The following RGS6 variants were observed in gnomAD, a reference collection of about 807,000 sequenced individuals.
The protein encoded by RGS6 is regulator of G protein signaling 6.
In RGS6, 30 loss-of-function variants were observed where a neutral mutation model predicts 78.5. The observed-to-expected ratio is 0.38, with a 90% CI of 0.29 to 0.52. The LOEUF is 0.52. Ranked by LOEUF, RGS6 falls within the 20% of genes least tolerant of loss-of-function variation. RGS6 has a pLI of 0.85. For missense variants in RGS6, 495 were observed against 609.7 expected, an observed-to-expected ratio of 0.81 and a Z score of 1.98; for synonymous variants, 206 against 206.0, an observed-to-expected ratio of 1.00 and a Z score of 0.00.
At chr14:72,313,597 C>G (rs906644540) in intron 2 of RGS6, among the ~76,000 whole-genome samples, 2 of 152,202 alleles carry the variant, frequency 1.3e-5, no homozygotes, top group Admixed American at 6.5e-5. Context: ...CCCCTGAAAT[C>G]AGGGAGCCAA....
Position 72,562,478 on chromosome 14 carries a change from C to A in RGS6, c.*11C>A. The A allele has an allele frequency of 6.2e-7, 1 of 1,611,926 alleles. No individual in the cohort carries two copies. The highest frequency in any genetic ancestry group is 8.5e-7 in the Non-Finnish European group (1 of 1,180,014). On this transcript the variant is annotated 3_prime_UTR_variant, in exon 18 of 18. Transcript: ENST00000553525. ...ATGCAGTCCTCCTGACCGTTCCTAC[C>A]GCAGGTCCAGGGCCTGGGCCCGCGG... is the stretch of plus-strand genomic sequence containing the variant.
intron 2 of RGS6, among the ~76,000 whole-genome samples, chr14:72,335,648 G>A (rs923914084): frequency 2.0e-5 from 3 of 152,048 alleles, no homozygotes; most frequent in East Asian, 1.9e-4. Context: ...CAGGAGTGTC[G>A]AATCTTTTGT....
intron 2 of RGS6, among the ~76,000 whole-genome samples, chr14:72,085,783 G>C (rs990733540): frequency 2.0e-5 from 3 of 150,742 alleles, no homozygotes; most frequent in African/African-American, 7.3e-5. Context: ...GAACCCAGGA[G>C]GCGGAGGCTG....
At chr14:72,519,591 A>G (rs1238502389) in intron 15 of RGS6, among the ~76,000 whole-genome samples, 1 of 152,188 alleles carries the variant, frequency 6.6e-6, no homozygotes, top group Non-Finnish European at 1.5e-5. Context: ...CCTCAACACC[A>G]TAACTATCTA....
chr14:71,868,897 G>A, the RGS6 span, among the ~76,000 whole-genome samples: 2 of 152,314 alleles, frequency 1.3e-5, no homozygotes, highest in Non-Finnish European at 2.9e-5. Context: ...GGAAGTTCAT[G>A]CCCTGTGAGT....
chr14:72,493,126 G>T (rs995236153), intron 12 of RGS6, among the ~76,000 whole-genome samples: 1 of 152,132 alleles, frequency 6.6e-6, no homozygotes, highest in Non-Finnish European at 1.5e-5. Flanking sequence ...CCGCCAAGCA[G>T]GTTTCAGTAC....
intron 2 of RGS6, among the ~76,000 whole-genome samples, chr14:72,296,825 G>T (rs932550715): frequency 6.6e-6 from 1 of 152,068 alleles, no homozygotes; most frequent in South Asian, 2.1e-4. Flanking sequence ...TGGTTATTGC[G>T]TTCTGTGTTT....
In RGS6 at chr14:72,510,178, A is replaced by G; in HGVS notation, c.990A>G (p.Val330=). 5 of 1,611,694 alleles carry G rather than the reference A, an allele frequency of 3.1e-6. No homozygotes were observed. Among genetic ancestry groups the G allele is most frequent in the South Asian group, 2.2e-5 (2 of 90,410 alleles). ...GCAAAGAGCCCAGCCAACAGCGAGT[A>G]AAAAGATGGGGCTTCTCTTTCGATG... ...EMSKEPSQQR[V]KRWGFSFDEI... The change falls in exon 14 of 18, where the codon GTA becomes GTG. Residue 330 remains valine, a synonymous_variant. Transcript: ENST00000553525.
chr14:72,353,895 A>G (rs1448822062), intron 3 of RGS6, among the ~76,000 whole-genome samples: 1 of 151,978 alleles, frequency 6.6e-6, no homozygotes, highest in Non-Finnish European at 1.5e-5. Context: ...GAGGCAGGAG[A>G]ATCACTTGAA....
intron 1 of RGS6, among the ~76,000 whole-genome samples, chr14:71,944,817 A>G (rs1384578559): frequency 6.6e-6 from 1 of 152,182 alleles, no homozygotes; most frequent in Non-Finnish European, 1.5e-5. Context: ...TGTTGTGTGA[A>G]CACCCTAGAG....
the RGS6 span, among the ~76,000 whole-genome samples, chr14:71,912,271 T>C: frequency 3.3e-5 from 5 of 152,182 alleles, no homozygotes; most frequent in African/African-American, 1.2e-4. Flanking sequence ...GCATATCCAA[T>C]GTCCTGTCCT....
At chr14:72,617,013 T>C in the RGS6 span, among the ~76,000 whole-genome samples, 1 of 152,174 alleles carries the variant, frequency 6.6e-6, no homozygotes, top group South Asian at 2.1e-4. Context: ...GGGGCCATCC[T>C]AACGTCACTC....
intron 2 of RGS6, among the ~76,000 whole-genome samples, chr14:72,079,565 G>T (rs74730308): frequency 0.044 from 6,655 of 152,176 alleles, 249 homozygotes; most frequent in African/African-American, 0.1. Flanking sequence ...ACACCTAGAA[G>T]TCACCCACCC....
At chr14:72,235,648 G>T (rs1219476880) in intron 2 of RGS6, among the ~76,000 whole-genome samples, 1 of 152,160 alleles carries the variant, frequency 6.6e-6, no homozygotes, top group African/African-American at 2.4e-5. Flanking sequence ...AAAATAAGTT[G>T]CTCAATGGTT....
intron 17 of RGS6, among the ~76,000 whole-genome samples, chr14:72,553,690 AT>A (rs887487491): frequency 2.0e-5 from 3 of 152,192 alleles, no homozygotes; most frequent in African/African-American, 7.2e-5. Context: ...TCCTAGTCCC[AT>A]TCCCTAGCAG....
rs139929145 is a variant in RGS6 at position 72,489,916 on chromosome 14, T to C, written c.855-5236T>C. 4.8e-3 allele frequency among the ~76,000 whole-genome samples: 729 copies of C among 152,356 alleles called. 4 individuals carry two copies. Among genetic ancestry groups the C allele is most frequent in the African/African-American group, 0.016 (675 of 41,576 alleles). ...TAGAAAACTAACATATTCCTCAACA[T>C]GCAATGCCATTTCTTTTATAAAGAA... On this transcript the variant is annotated intron_variant, in intron 12 of 17. Transcript: ENST00000553525.
intron 2 of RGS6, among the ~76,000 whole-genome samples, chr14:72,087,523 G>A (rs745520514): frequency 6.6e-6 from 1 of 151,956 alleles, no homozygotes; most frequent in Non-Finnish European, 1.5e-5. Context: ...ATACAACATG[G>A]GTCAGTCTTA....
chr14:71,984,190 G>C (rs1042677370), intron 2 of RGS6, among the ~76,000 whole-genome samples: 2 of 151,758 alleles, frequency 1.3e-5, no homozygotes, highest in African/African-American at 2.4e-5. Flanking sequence ...TAAGGGAACT[G>C]AGGGTCAGAA....
At chr14:72,568,207 C>T (rs1292241624), downstream of RGS6, among the ~76,000 whole-genome samples, 1 of 152,192 alleles carries the variant, frequency 6.6e-6, no homozygotes, top group Non-Finnish European at 1.5e-5. Flanking sequence ...CCCAGAGCCA[C>T]CCTCATTCTG....
Sources: allele counts gnomAD v4.1 joint callset (sites outside exome capture counted in the v4.1 genomes callset), GRCh38; gene constraint gnomAD v4.1.1; transcripts MANE v1.5; gene names NCBI Gene and HGNC (gene_info 2026-07-23, HGNC 2026-07-21).